The following EIF4G3 variants were observed in gnomAD, a reference collection of about 807,000 sequenced individuals.
The protein encoded by EIF4G3 is eukaryotic translation initiation factor 4 gamma 3.
In EIF4G3, 34 loss-of-function variants were observed where a neutral mutation model predicts 186.4. That is an observed-to-expected ratio of 0.18 (90% CI 0.14 to 0.24). The LOEUF (loss-of-function observed/expected upper bound fraction) is 0.24. Among genes scored for constraint, EIF4G3 ranks in the 10% least tolerant of loss-of-function variants. The probability of loss-of-function intolerance (pLI) is 1.00; values close to 1 mark genes in which losing one functional copy is unlikely to be tolerated. For missense variants in EIF4G3, 1,536 were observed against 1,948.5 expected (o/e 0.79, Z 3.99); for synonymous variants, 673 against 679.5 (o/e 0.99, Z 0.15).
chr1:21,145,946 T>A (rs1054449162), intron 2 of EIF4G3, among the ~76,000 whole-genome samples: 6 of 152,034 alleles, frequency 3.9e-5, no homozygotes, highest in African/African-American at 7.2e-5. Context: ...TTTTTTTAAT[T>A]AGCTGATTGT....
At chr1:20,870,716 A>G (rs1571974321) in intron 20 of EIF4G3, among the ~76,000 whole-genome samples, 1 of 152,180 alleles carries the variant, frequency 6.6e-6, no homozygotes. Flanking sequence ...TCTCTTGTCC[A>G]CTCTTCCTCA....
At chr1:21,029,798 C>A (rs969574983) in intron 4 of EIF4G3, among the ~76,000 whole-genome samples, 2 of 152,126 alleles carry the variant, frequency 1.3e-5, no homozygotes, top group African/African-American at 4.8e-5. Flanking sequence ...TATAACAGGA[C>A]TGGCATGGGA....
At chr1:21,148,427 G>A (rs966541909) in intron 2 of EIF4G3, among the ~76,000 whole-genome samples, 37 of 152,026 alleles carry the variant, frequency 2.4e-4, no homozygotes, top group African/African-American at 8.2e-4. Context: ...AAACAGCCGG[G>A]CGCGGTGGCT....
Position 21,013,528 on chromosome 1 carries a change from T to C in EIF4G3, c.-66-10720A>G, listed in dbSNP as rs555518277. 7.2e-5 allele frequency among the ~76,000 whole-genome samples: 11 copies of C among 152,288 alleles called. No homozygotes were observed. The South Asian group carries it at 2.3e-3, about 32-fold the overall frequency. On this transcript the variant is annotated intron_variant, in intron 4 of 36. Transcript: ENST00000602326. Reference sequence around the variant, plus strand: ...GGGTGCTGCTCATGGGACTGATTACTGTTTCACCTGATGCAAAGTTCGGAT... The same window carrying C: ...GGGTGCTGCTCATGGGACTGATTACCGTTTCACCTGATGCAAAGTTCGGAT...
At chr1:21,102,317 G>A (rs949294244) in intron 2 of EIF4G3, among the ~76,000 whole-genome samples, 1 of 152,032 alleles carries the variant, frequency 6.6e-6, no homozygotes, top group Non-Finnish European at 1.5e-5. Context: ...TATAAAAACA[G>A]GTAGCCAGCC....
At chr1:21,042,898 C>T (rs1469051628) in intron 4 of EIF4G3, among the ~76,000 whole-genome samples, 2 of 152,226 alleles carry the variant, frequency 1.3e-5, no homozygotes. Context: ...TTTACTGACA[C>T]ATGCTAATCT....
chr1:20,956,634 A>C (rs1282272737), intron 12 of EIF4G3, among the ~76,000 whole-genome samples: 1 of 151,546 alleles, frequency 6.6e-6, no homozygotes, highest in Admixed American at 6.6e-5. Context: ...AAAAAAAAAA[A>C]AAACAAGGAG....
chr1:20,932,694 G>A (rs2095368190), intron 14 of EIF4G3, among the ~76,000 whole-genome samples: 2 of 152,126 alleles, frequency 1.3e-5, no homozygotes, highest in Non-Finnish European at 2.9e-5. Flanking sequence ...CAAGTTGGCC[G>A]TCTTACATGG....
intron 4 of EIF4G3, among the ~76,000 whole-genome samples, chr1:21,038,088 A>G (rs1400868966): frequency 1.3e-5 from 2 of 152,058 alleles, no homozygotes; most frequent in Non-Finnish European, 2.9e-5. Flanking sequence ...CCATTTTTGT[A>G]CTCTTTATAA....
chr1:20,809,752 G>A (rs1056858343), intron 36 of EIF4G3, among the ~76,000 whole-genome samples: 14 of 152,024 alleles, frequency 9.2e-5, no homozygotes, highest in African/African-American at 3.4e-4. Context: ...AGTCAAACAT[G>A]GTTATTTAAA....
chr1:20,827,725 G>C, intron 31 of EIF4G3, 27 bp from the exon 32 acceptor site: 2 of 1,479,544 alleles, frequency 1.4e-6, no homozygotes, highest in Non-Finnish European at 1.9e-6. Context: ...CAGTGATTAA[G>C]TATCTCTAAA....
chr1:20,954,295 T>C (rs2096326720), intron 12 of EIF4G3, among the ~76,000 whole-genome samples: 1 of 151,954 alleles, frequency 6.6e-6, no homozygotes. Flanking sequence ...CCCAGCACTT[T>C]GGGAGGCCAA....
intron 3 of EIF4G3, among the ~76,000 whole-genome samples, chr1:21,052,388 A>G (rs2094273099): frequency 6.6e-6 from 1 of 152,256 alleles, no homozygotes; most frequent in Admixed American, 6.5e-5. Flanking sequence ...TAGTTCTTAA[A>G]TTTGAGAGGA....
At chr1:21,156,461 C>T (rs1296436388) in intron 2 of EIF4G3, among the ~76,000 whole-genome samples, 1 of 152,192 alleles carries the variant, frequency 6.6e-6, no homozygotes, top group Non-Finnish European at 1.5e-5. Flanking sequence ...TATTTCCAAA[C>T]ATCTTCAGTT....
intron 30 of EIF4G3, among the ~76,000 whole-genome samples, chr1:20,836,132 C>T (rs748798659): frequency 6.6e-6 from 1 of 152,176 alleles, no homozygotes; most frequent in Non-Finnish European, 1.5e-5. Context: ...TAGGCACCCA[C>T]CACCATGCCC....
chr1:21,019,615 G>A (rs1424722569), intron 4 of EIF4G3, among the ~76,000 whole-genome samples: 1 of 152,204 alleles, frequency 6.6e-6, no homozygotes, highest in Non-Finnish European at 1.5e-5. Flanking sequence ...CATAGAGCAA[G>A]AGAAGTTATT....
At chr1:21,030,329 G>A (rs2092624772) in intron 4 of EIF4G3, among the ~76,000 whole-genome samples, 1 of 152,174 alleles carries the variant, frequency 6.6e-6, no homozygotes, top group South Asian at 2.1e-4. Flanking sequence ...ATGGAGGCAG[G>A]TCTTTTCCTG....
chr1:20,827,956 G>C (rs1370698321), intron 31 of EIF4G3, among the ~76,000 whole-genome samples: 1 of 150,548 alleles, frequency 6.6e-6, no homozygotes, highest in Non-Finnish European at 1.5e-5. Flanking sequence ...TAATCTGTTT[G>C]TTTATGTAAG....
At chr1:20,971,180 T>C (rs1040417519) in intron 11 of EIF4G3, among the ~76,000 whole-genome samples, 1 of 152,164 alleles carries the variant, frequency 6.6e-6, no homozygotes, top group Admixed American at 6.5e-5. Context: ...TGCTAAGATA[T>C]AAAGGACCCA....
Sources: gnomAD v4.1 joint callset for allele counts (sites outside exome capture counted in the v4.1 genomes callset) on GRCh38, gnomAD v4.1.1 for gene constraint, MANE v1.5 for transcripts, NCBI Gene and HGNC (gene_info 2026-07-23, HGNC 2026-07-21) for gene names.